The following KRT9 variants were observed in gnomAD, a reference collection of about 807,000 sequenced individuals.
KRT9 encodes keratin, type I cytoskeletal 9.
Under a neutral mutation model 51.4 loss-of-function variants are expected in KRT9, and 34 were observed. That is an observed-to-expected ratio of 0.66 (90% CI 0.50 to 0.88). The LOEUF is 0.88. KRT9 is among the 40% of genes least tolerant of loss of function. The probability of loss-of-function intolerance (pLI) is 0.00; values close to 1 mark genes in which losing one functional copy is unlikely to be tolerated. For missense variants in KRT9, 753 were observed against 790.3 expected, an observed-to-expected ratio of 0.95 and a Z score of 0.57; for synonymous variants, 292 against 289.7, an observed-to-expected ratio of 1.01 and a Z score of -0.08.
Position 41,571,984 on chromosome 17 carries a change from G to A in KRT9, c.9C>T (p.Cys3=). 6.3e-7 allele frequency: 1 copy of A among 1,581,494 alleles called. No homozygotes were observed. Among genetic ancestry groups the A allele is most frequent in the Non-Finnish European group, 8.6e-7 (1 of 1,166,022 alleles). The change falls in exon 1 of 8, where the codon TGC becomes TGT. Residue 3 remains cysteine (C), a synonymous_variant. Coordinates refer to ENST00000246662, the MANE Select transcript of KRT9 (RefSeq NM_000226.4). MS[C]RQFSSSYLSR... ...TCAAGTAGGACGAGGAGAACTGTCTGCAGCTCATGACACAGCTGGTAGCTC... is the reference window on the plus strand; with the variant it reads ...TCAAGTAGGACGAGGAGAACTGTCTACAGCTCATGACACAGCTGGTAGCTC...
rs895475257 is a variant in KRT9, at chr17:41,569,939, T to C, written c.802A>G (p.Thr268Ala). Residue 268 changes from threonine (T) to alanine (A), a missense_variant, in exon 3 of 8, where the codon ACC (threonine) becomes GCC (alanine). By Grantham distance (58) the Thr-to-Ala change is moderately conservative. Coordinates refer to ENST00000246662, the MANE Select transcript of KRT9 (RefSeq NM_000226.4). Reference protein sequence around the residue: ...NGLRQVLDNLTMEKSDLEMQY... With the variant: ...NGLRQVLDNLAMEKSDLEMQY... Reference sequence around the variant, plus strand: ...ATCTCCAGGTCAGACTTCTCCATGGTCAGATTGTCCAGCACCTGCCGCAGG... The same window carrying C: ...ATCTCCAGGTCAGACTTCTCCATGGCCAGATTGTCCAGCACCTGCCGCAGG... 3 of 1,614,040 alleles carry C rather than the reference T, an allele frequency of 1.9e-6. No homozygotes were observed. In the African/African-American group the frequency reaches 4.0e-5, roughly 22 times the overall value.
At position 41,569,854 on chromosome 17, in the gene KRT9, C is replaced by T. The variant is rs1322924586; in HGVS notation, c.882+5G>A. On this transcript the variant is annotated splice_donor_5th_base_variant and intron_variant, in intron 3 of 7. Transcript: ENST00000246662. ...CCCGGTAAGCCATAAGCCCCAGCAACCTACCTCCTTATGATTCTTCTTGAG... is the reference window on the plus strand; with the variant it reads ...CCCGGTAAGCCATAAGCCCCAGCAATCTACCTCCTTATGATTCTTCTTGAG... 2.5e-6 allele frequency: 4 copies of T among 1,614,144 alleles called. No homozygotes were observed. The highest frequency in any genetic ancestry group is 1.7e-5 in the Admixed American group (1 of 60,028).
In KRT9 at chr17:41,569,529, G is replaced by T; in HGVS notation, c.941C>A (p.Ala314Asp). Reference sequence around the variant, plus strand: ...GGTCTTGGTGAGATCTTTGCCAGGAGCAACGTTTATCTCCACATTGACATC... The same window carrying T: ...GGTCTTGGTGAGATCTTTGCCAGGATCAACGTTTATCTCCACATTGACATC... ...SGDVNVEINV[A>D]PGKDLTKTLN... The change falls in exon 4 of 8, where the codon GCT (alanine) becomes GAT (aspartate). Residue 314 changes from alanine (A) to aspartate (D), a missense_variant. By Grantham distance (126) the Ala-to-Asp change is moderately radical. Around this residue, in one of 3 missense-constraint regions of KRT9, gnomAD observed 507 missense variants for 563.7 expected, o/e 0.90. Transcript: ENST00000246662. 6.2e-7 allele frequency: 1 copy of T among 1,614,152 alleles called. No individual in the cohort carries two copies. The highest frequency in any genetic ancestry group is 1.1e-5 in the South Asian group (1 of 91,074).
At position 41,570,176 on chromosome 17, in the gene KRT9, A is replaced by G. The variant is rs1907033215; in HGVS notation, c.687T>C (p.Ile229=). 2 of 1,614,032 alleles carry G rather than the reference A, an allele frequency of 1.2e-6. No homozygotes were observed. The highest frequency in any genetic ancestry group is 1.7e-6 in the Non-Finnish European group (2 of 1,180,034). The change falls in exon 2 of 8, where the codon ATT becomes ATC. Residue 229 remains isoleucine, a synonymous_variant. Coordinates refer to ENST00000246662, the MANE Select transcript of KRT9 (RefSeq NM_000226.4). ...CATCCAGTGTCATGCGAGTGTTGTC[A>G]ATGTCCAGGAGAGTTTTGTTGTTGC... is the stretch of plus-strand genomic sequence containing the variant. ...TVGNNKTLLD[I]DNTRMTLDDF...
chr17:41,570,094 G>A (rs757625973), intron 2 of KRT9, 44 bp downstream of exon 2: 4 of 1,611,588 alleles, frequency 2.5e-6, no homozygotes, highest in South Asian at 1.1e-5. Context: ...GAGGTTCAGG[G>A]GTAAGGGCTG....
intron 3 of KRT9, 78 bp from the exon 4 acceptor site, chr17:41,569,665 C>T: frequency 6.3e-7 from 1 of 1,577,252 alleles, no homozygotes; most frequent in Non-Finnish European, 8.7e-7. Context: ...TCTGGTCCCC[C>T]CAGGGTACAA....
chr17:41,571,137 G>A (rs1907064266), intron 1 of KRT9, among the ~76,000 whole-genome samples: 1 of 152,182 alleles, frequency 6.6e-6, no homozygotes. Context: ...TCTGAAAGTT[G>A]AGGAAATGGA....
At chr17:41,566,848 G>T (rs900577969) in intron 7 of KRT9, among the ~76,000 whole-genome samples, 2 of 152,188 alleles carry the variant, frequency 1.3e-5, no homozygotes, top group Non-Finnish European at 2.9e-5. Flanking sequence ...GAAAGTACTG[G>T]CTGTGAAGCC....
At chr17:41,571,310 A>AAGAGAAAG (rs771929541) in intron 1 of KRT9, 41 bp downstream of exon 1, 1 of 1,555,598 alleles carries the variant, frequency 6.4e-7, no homozygotes, top group East Asian at 2.2e-5. Flanking sequence ...TAAAGAATGA[A>AAGAGAAAG]AGAGAAAGAG....
At position 41,570,027 on chromosome 17, in the gene KRT9, C is replaced by T; in HGVS notation, c.726-12G>A. The T allele has an allele frequency of 6.2e-7, 1 of 1,614,150 alleles. No individual in the cohort carries two copies. Among genetic ancestry groups the T allele is most frequent in the Non-Finnish European group, 8.5e-7 (1 of 1,180,036 alleles). ...GCTCCATCTCAAACCTGCAGACCAG[C>T]CAGGGTTAGAAAACAATCAAGAGGG... On this transcript the variant is annotated splice_polypyrimidine_tract_variant and intron_variant, in intron 2 of 7. Transcript: ENST00000246662.
rs758094649 is a variant in KRT9, at chr17:41,568,544, C to T, written c.1134G>A (p.Gln378=). The change falls in exon 5 of 8, where the codon CAG becomes CAA. Residue 378 remains glutamine (Q), a synonymous_variant. Coordinates refer to ENST00000246662, the MANE Select transcript of KRT9 (RefSeq NM_000226.4). ...GAGACTGCAGCTCAATCTCCAACTCCTGGACACCGTGCCGGAGCTGGGTCA... is the reference window on the plus strand; with the variant it reads ...GAGACTGCAGCTCAATCTCCAACTCTTGGACACCGTGCCGGAGCTGGGTCA... ...KEVTQLRHGV[Q]ELEIELQSQL... 2 of 1,614,078 alleles carry T rather than the reference C, an allele frequency of 1.2e-6. No individual in the cohort carries two copies. The highest frequency in any genetic ancestry group is 1.7e-6 in the Non-Finnish European group (2 of 1,180,022).
intron 4 of KRT9, 88 bp downstream of exon 4, chr17:41,569,338 T>C (rs1906989595): frequency 1.6e-6 from 2 of 1,281,260 alleles, no homozygotes; most frequent in African/African-American, 1.5e-5. Context: ...GATGCAGAGA[T>C]AGGAGGATGA....
Position 41,567,520 on chromosome 17 carries a change from T to C in KRT9, c.1625A>G (p.His542Arg). 4 of 1,543,576 alleles carry C rather than the reference T, an allele frequency of 2.6e-6. No homozygotes were observed. Among genetic ancestry groups the C allele is most frequent in the Non-Finnish European group, 2.6e-6 (3 of 1,145,620 alleles). Residue 542 changes from histidine (H) to arginine (R), a missense_variant, in exon 7 of 8, where the codon CAT (histidine) becomes CGT (arginine). Coordinates refer to ENST00000246662, the MANE Select transcript of KRT9 (RefSeq NM_000226.4). ...ATGACCACCTCCACTTCCTCCGCTATGGCCACCTCCACTTCCTCCACCATA... is the reference window on the plus strand; with the variant it reads ...ATGACCACCTCCACTTCCTCCGCTACGGCCACCTCCACTTCCTCCACCATA... The part of the protein sequence containing the change: ...GGYGGGSGGG[H>R]SGGSGGGHSG...
In KRT9 at chr17:41,569,915, T is replaced by A; in HGVS notation, c.826A>T (p.Met276Leu). ...NLTMEKSDLE[M>L]QYETLQEELM... The stretch of plus-strand genomic sequence containing the variant: ...TCCTCCTGCAGAGTCTCATACTGCA[T>A]CTCCAGGTCAGACTTCTCCATGGTC... The change falls in exon 3 of 8, where the codon ATG becomes TTG. Residue 276 changes from methionine to leucine, a missense_variant. Transcript: ENST00000246662. The A allele has an allele frequency of 6.2e-7, 1 of 1,614,158 alleles. No homozygotes were observed. The highest frequency in any genetic ancestry group is 1.1e-5 in the South Asian group (1 of 91,088).
In KRT9 at chr17:41,571,922, C is replaced by A. The variant is rs750662716; in HGVS notation, c.71G>T (p.Ser24Ile). The A allele has an allele frequency of 3.1e-6, 5 of 1,587,470 alleles. No homozygotes were observed. The African/African-American group carries it at 4.0e-5, about 13-fold the overall frequency. ...GTAGGAAGACCTTATGCTGCCCCCG[C>A]TGCCCAGGCCGCCCCCGCCACCCCC... is the stretch of plus-strand genomic sequence containing the variant. ...SGGGGGGGLGSGGSIRSSYSR... is the reference protein window; with the variant it reads ...SGGGGGGGLGIGGSIRSSYSR... The change falls in exon 1 of 8, where the codon AGC (serine) becomes ATC (isoleucine). Residue 24 changes from serine to isoleucine, a missense_variant. Transcript: ENST00000246662.
chr17:41,568,727 C>T, intron 4 of KRT9, 94 bp from the exon 5 acceptor site: 1 of 1,525,716 alleles, frequency 6.6e-7, no homozygotes, highest in East Asian at 2.2e-5. Context: ...ACCTCCAGGG[C>T]CAAGGCTGAT....
At chr17:41,566,862 C>A (rs1175817287) in intron 7 of KRT9, among the ~76,000 whole-genome samples, 1 of 152,240 alleles carries the variant, frequency 6.6e-6, no homozygotes, top group Non-Finnish European at 1.5e-5. Flanking sequence ...TGAAGCCCCA[C>A]AGAGCTGAAC....
chr17:41,569,853 A>G lies in KRT9; in HGVS notation c.882+6T>C. 1.2e-6 allele frequency: 2 copies of G among 1,614,038 alleles called. No homozygotes were observed. Among genetic ancestry groups the G allele is most frequent in the South Asian group, 2.2e-5 (2 of 91,078 alleles). The stretch of plus-strand genomic sequence containing the variant: ...TCCCGGTAAGCCATAAGCCCCAGCA[A>G]CCTACCTCCTTATGATTCTTCTTGA... On this transcript the variant is annotated splice_donor_region_variant and intron_variant, in intron 3 of 7. Transcript: ENST00000246662.
chr17:41,569,288 A>G (rs998735266), intron 4 of KRT9, 138 bp downstream of exon 4: 4 of 876,458 alleles, frequency 4.6e-6, no homozygotes, highest in Non-Finnish European at 7.5e-6. Flanking sequence ...TGGATGAATG[A>G]CTTCCATTGG....
Sources: allele counts gnomAD v4.1 joint callset (sites outside exome capture counted in the v4.1 genomes callset), GRCh38; gene constraint gnomAD v4.1.1; regional missense constraint gnomAD v4.1.1; transcripts MANE v1.5; gene names NCBI Gene and HGNC (gene_info 2026-07-23, HGNC 2026-07-21).